P2RX7: variants seen among roughly 807,000 people sequenced by gnomAD.
P2RX7 encodes the protein purinergic receptor P2X 7.
P2RX7 carries 62 observed loss-of-function variants against 71.6 expected under a neutral mutation model. The observed-to-expected ratio is 0.87, with a 90% CI of 0.71 to 1.07. The LOEUF is 1.07. P2RX7 is among the 50% of genes least tolerant of loss of function. P2RX7 has a pLI of 0.00. For synonymous variants in P2RX7, 299 were observed against 283.3 expected, an observed-to-expected ratio of 1.06 and a Z score of -0.56; for missense variants, 686 against 748.5, an observed-to-expected ratio of 0.92 and a Z score of 0.97.
At chr12:121,161,047 G>A (rs1879572811) in intron 4 of P2RX7, 73 bp downstream of exon 4, 2 of 1,131,506 alleles carry the variant, frequency 1.8e-6, no homozygotes, top group African/African-American at 3.1e-5. Context: ...GTGATGCCCA[G>A]GTCAGGTCTT....
Position 121,180,819 on chromosome 12 carries a change from C to T in P2RX7, c.1290+364C>T, listed in dbSNP as rs139092351. 6.3e-3 allele frequency among the ~76,000 whole-genome samples: 955 copies of T among 152,028 alleles called. 8 individuals carry two copies. The highest frequency in any genetic ancestry group is 0.022 in the African/African-American group (894 of 41,468). On this transcript the variant is annotated intron_variant, in intron 12 of 12. Transcript: ENST00000328963. ...CTCTACTAAAAATACAAAAATTAGCCGGGTGGTGTGGTGGCACACATGTAA... is the reference window on the plus strand; with the variant it reads ...CTCTACTAAAAATACAAAAATTAGCTGGGTGGTGTGGTGGCACACATGTAA...
chr12:121,142,797 C>T (rs902597599), intron 1 of P2RX7, among the ~76,000 whole-genome samples: 4 of 152,072 alleles, frequency 2.6e-5, no homozygotes, highest in African/African-American at 4.8e-5. Context: ...ATCTCAAAAT[C>T]GTTAACTTTG....
At chr12:121,176,932 AC>A (rs1883252704) in intron 9 of P2RX7, among the ~76,000 whole-genome samples, 1 of 151,774 alleles carries the variant, frequency 6.6e-6, no homozygotes, top group Admixed American at 6.6e-5. Flanking sequence ...CTCATGTAAA[AC>A]CTTTATGGGT....
rs867008287 is a variant in P2RX7, at chr12:121,167,474, T to C, written c.745-14T>C. 6.2e-7 allele frequency: 1 copy of C among 1,613,796 alleles called. No individual in the cohort carries two copies. The highest frequency in any genetic ancestry group is 1.7e-4 in the Middle Eastern group (1 of 6,032). ...CCCAGCAGCCATAGAGACTGTCCCT[T>C]GTTGATCCTTCAGGGCGGAATAATG... On this transcript the variant is annotated splice_polypyrimidine_tract_variant and intron_variant, in intron 7 of 12. Coordinates refer to ENST00000328963, the MANE Select transcript of P2RX7 (RefSeq NM_002562.6).
In P2RX7 at chr12:121,149,036, A is replaced by G; in HGVS notation, c.126-5749A>G. 1 of 573,496 alleles carries G rather than the reference A, an allele frequency of 1.7e-6. No individual in the cohort carries two copies. The highest frequency in any genetic ancestry group is 1.4e-5 in the South Asian group (1 of 69,340). 35.5% of individuals were successfully genotyped at this position (573,496 alleles called of 1,614,324 possible). A position where few individuals can be genotyped will look rare whatever the true frequency, so the allele number is the denominator to read the frequency against. Reference sequence around the variant, plus strand: ...GTAAGACGGAGAGGAACTTTGCTGAAAGGGAGGTCCTCCCTGCAGAGCTTG... The same window carrying G: ...GTAAGACGGAGAGGAACTTTGCTGAGAGGGAGGTCCTCCCTGCAGAGCTTG... On this transcript the variant is annotated intron_variant, in intron 1 of 12. Coordinates refer to ENST00000328963, the MANE Select transcript of P2RX7 (RefSeq NM_002562.6). The surrounding 1 kb of genome is among the most constrained non-coding windows in gnomAD (Gnocchi z 4.7).
intron 5 of P2RX7, among the ~76,000 whole-genome samples, chr12:121,164,476 C>T (rs1445563072): frequency 6.6e-6 from 1 of 152,174 alleles, no homozygotes; most frequent in African/African-American, 2.4e-5. Flanking sequence ...TGTGTTAGTC[C>T]ATTCTCACAC....
At chr12:121,139,468 A>G (rs1031740554) in intron 1 of P2RX7, among the ~76,000 whole-genome samples, 2 of 152,222 alleles carry the variant, frequency 1.3e-5, no homozygotes. Flanking sequence ...GTCAGCCTCC[A>G]CTGGCGCCAA....
chr12:121,147,145 T>G (rs1224555806), intron 1 of P2RX7, among the ~76,000 whole-genome samples: 3 of 152,208 alleles, frequency 2.0e-5, no homozygotes, highest in Admixed American at 2.0e-4. Flanking sequence ...TTCGAAAAAG[T>G]ATTCCATTCA....
At chr12:121,133,228 G>A (rs2135959348) in intron 1 of P2RX7, 133 bp downstream of exon 1, 1 of 1,025,198 alleles carries the variant, frequency 9.8e-7, no homozygotes, top group Admixed American at 1.8e-5. Context: ...ACAGCCAGCT[G>A]GGCGGGAGGG....
chr12:121,185,316 A>T lies in P2RX7; in HGVS notation c.*514A>T. 6.5e-6 allele frequency: 1 copy of T among 152,914 alleles called. No individual in the cohort carries two copies. The highest frequency in any genetic ancestry group is 6.5e-5 in the Admixed American group (1 of 15,392). The allele number at this position is 152,914 out of a possible 1,614,324, so 9.5% of individuals were successfully genotyped here. A position where few individuals can be genotyped will look rare whatever the true frequency, so the allele number is the denominator to read the frequency against. On this transcript the variant is annotated 3_prime_UTR_variant, in exon 13 of 13. Coordinates refer to ENST00000328963, the MANE Select transcript of P2RX7 (RefSeq NM_002562.6). Reference sequence around the variant, plus strand: ...AAAAGAGATTGAGATGTAAGTCTCAACTCTGTCCCCAGGAAGTTGTGTGAC... The same window carrying T: ...AAAAGAGATTGAGATGTAAGTCTCATCTCTGTCCCCAGGAAGTTGTGTGAC...
intron 8 of P2RX7, among the ~76,000 whole-genome samples, chr12:121,167,894 C>T (rs1881434882): frequency 6.6e-6 from 1 of 151,622 alleles, no homozygotes; most frequent in African/African-American, 2.4e-5. Flanking sequence ...TCACTGCAAA[C>T]TTCCGCCTCC....
rs1409073773 is a variant in P2RX7, at chr12:121,186,290, A to G, written c.*1488A>G. On this transcript the variant is annotated 3_prime_UTR_variant, in exon 13 of 13. Transcript: ENST00000328963. ...CTGCCCCATAAATCCAGAAAACCAC[A>G]TTGCTATCTTAAGTCCCTAAGTTTG... 6.6e-6 allele frequency: 1 copy of G among 152,158 alleles called. No homozygotes were observed. The highest frequency in any genetic ancestry group is 1.5e-5 in the Non-Finnish European group (1 of 68,074). 9.4% of individuals were successfully genotyped at this position (152,158 alleles called of 1,614,324 possible).
At chr12:121,135,172 C>T (rs767046530) in intron 1 of P2RX7, among the ~76,000 whole-genome samples, 14 of 151,864 alleles carry the variant, frequency 9.2e-5, no homozygotes, top group Non-Finnish European at 1.8e-4. Context: ...AACCCCATCT[C>T]TACTAAAAAT....
chr12:121,185,981 G>C lies in P2RX7; in HGVS notation c.*1179G>C, dbSNP rs1884845046. ...AGACAGGAGAAACACTTGAACCTGG[G>C]AGGTGGAGGTTGCATTGAGCTGAGA... On this transcript the variant is annotated 3_prime_UTR_variant, in exon 13 of 13. Coordinates refer to ENST00000328963, the MANE Select transcript of P2RX7 (RefSeq NM_002562.6). 1 of 151,836 alleles carries C rather than the reference G, an allele frequency of 6.6e-6. No homozygotes were observed. The allele number at this position is 151,836 out of a possible 1,614,324, so 9.4% of individuals were successfully genotyped here.
rs376834034 is a variant in P2RX7, at chr12:121,145,488, G to T, written c.126-9297G>T. Among the ~76,000 whole-genome samples the T allele has an allele frequency of 3.3e-5, 5 of 149,354 alleles. No homozygotes were observed. In the South Asian group the frequency reaches 6.3e-4, roughly 19 times the overall value. ...GATGCGGAAGTGGATGTGATGACTCGCCCTTTCTTTCTTCTTTCTTTCTTT... is the reference window on the plus strand; with the variant it reads ...GATGCGGAAGTGGATGTGATGACTCTCCCTTTCTTTCTTCTTTCTTTCTTT... On this transcript the variant is annotated intron_variant, in intron 1 of 12. Transcript: ENST00000328963.
chr12:121,151,700 T>C (rs1877440792), intron 1 of P2RX7, among the ~76,000 whole-genome samples: 1 of 152,144 alleles, frequency 6.6e-6, no homozygotes, highest in Non-Finnish European at 1.5e-5. Context: ...CATAGTACTG[T>C]GCAACCACCA....
intron 2 of P2RX7, chr12:121,155,441 G>A (rs1339909891): frequency 5.0e-6 from 6 of 1,211,744 alleles, no homozygotes; most frequent in Non-Finnish European, 6.5e-6. Flanking sequence ...ACTGAGAGAA[G>A]GCGTGTGACT....
chr12:121,166,035 T>C (rs1307656605), intron 6 of P2RX7, 23 bp from the exon 7 acceptor site: 2 of 1,606,270 alleles, frequency 1.2e-6, no homozygotes, highest in South Asian at 2.2e-5. Context: ...TTTGTTTGTT[T>C]GTTTGCTTTT....
chr12:121,136,023 A>AAAAAAAAAAAAATTTATATAT, intron 1 of P2RX7, among the ~76,000 whole-genome samples: 1 of 15,256 alleles, frequency 6.6e-5, no homozygotes, highest in African/African-American at 1.2e-4. Flanking sequence ...AAAAAAAAAA[A>AAAAAAAAAAAAATTTATATAT]ATATATATAT....
Sources: allele counts gnomAD v4.1 joint callset (sites outside exome capture counted in the v4.1 genomes callset), GRCh38; gene constraint gnomAD v4.1.1; non-coding constraint Gnocchi (gnomAD v3.1); transcripts MANE v1.5; gene names NCBI Gene and HGNC (gene_info 2026-07-23, HGNC 2026-07-21).